Variants in CNTN5 observed in about 807,000 individuals in gnomAD.
CNTN5 encodes contactin-5.
CNTN5 carries 77 observed loss-of-function variants against 129.1 expected under a neutral mutation model. The observed-to-expected ratio is 0.60, with a 90% CI of 0.50 to 0.72. CNTN5 has a LOEUF of 0.72. CNTN5 is among the 30% of genes least tolerant of loss of function. The pLI is 0.00. For synonymous variants in CNTN5, 509 were observed against 465.6 expected, an observed-to-expected ratio of 1.09 and a Z score of -1.20; for missense variants, 1,478 against 1,328.8, an observed-to-expected ratio of 1.11 and a Z score of -1.75.
intron 1 of CNTN5, among the ~76,000 whole-genome samples, chr11:99,149,323 T>G (rs368964030): frequency 6.6e-6 from 1 of 151,630 alleles, no homozygotes; most frequent in East Asian, 1.9e-4. Flanking sequence ...AGAAGGCAAA[T>G]GAGAAAAGGG....
Position 99,634,323 on chromosome 11 carries a change from TAC to T in CNTN5, c.55+78056_55+78057del, listed in dbSNP as rs374012417. Among the ~76,000 whole-genome samples the T allele has an allele frequency of 5.2e-3, 797 of 152,158 alleles. 7 individuals carry two copies. The highest frequency in any genetic ancestry group is 0.018 in the African/African-American group (756 of 41,518). On this transcript the variant is annotated intron_variant, in intron 3 of 24. Transcript: ENST00000524871. ...AAGGGATGAGGGAGATTTAAGGAAA[TAC>T]AGTGTTCACCAGTGCACATATTACT...
chr11:100,255,762 C>G lies in CNTN5; in HGVS notation c.2008C>G (p.Pro670Ala). The G allele has an allele frequency of 6.2e-7, 1 of 1,612,986 alleles. No individual in the cohort carries two copies. The highest frequency in any genetic ancestry group is 8.5e-7 in the Non-Finnish European group (1 of 1,179,166). Residue 670 changes from proline (P) to alanine (A), a missense_variant and splice_region_variant, in exon 17 of 25, where the codon CCC (proline) becomes GCC (alanine). Pro to Ala is a conservative substitution (Grantham distance 27). Transcript: ENST00000524871. ...SDEAELLVRG[P>A]PGPPGIVIVE... is the part of the protein sequence containing the mutation. ...TATCCATTGCCTTTGACCTATAGGA[C>G]CCCCAGGCCCACCTGGGATAGTAAT...
chr11:100,034,609 C>T (rs1483303051), intron 9 of CNTN5, among the ~76,000 whole-genome samples: 1 of 152,188 alleles, frequency 6.6e-6, no homozygotes, highest in Non-Finnish European at 1.5e-5. Flanking sequence ...GGACTGGTCA[C>T]CTGTTTTCAC....
rs112946244 is a variant in CNTN5, at chr11:99,110,497, G to C, written c.-210+89227G>C. Among the ~76,000 whole-genome samples the C allele has an allele frequency of 1.7e-4, 26 of 152,238 alleles. 1 individual carries two copies. The highest frequency in any genetic ancestry group is 5.5e-4 in the African/African-American group (23 of 41,582). On this transcript the variant is annotated intron_variant, in intron 1 of 24. Transcript: ENST00000524871. The stretch of plus-strand genomic sequence containing the variant: ...TGTTGGCCTTGGGATGCTAATAGCT[G>C]TGAGGACACCACATACCACCAGCAA...
intron 1 of CNTN5, among the ~76,000 whole-genome samples, chr11:99,212,587 G>C (rs1391600386): frequency 2.6e-5 from 4 of 151,854 alleles, no homozygotes; most frequent in Admixed American, 1.3e-4. Context: ...TACATAAACG[G>C]ACCTCCCATC....
intron 18 of CNTN5, among the ~76,000 whole-genome samples, chr11:100,277,577 T>C (rs1275456093): frequency 6.6e-6 from 1 of 152,210 alleles, no homozygotes; most frequent in East Asian, 1.9e-4. Flanking sequence ...TGATCAATTA[T>C]GCTGAGCACA....
chr11:99,253,732 T>C (rs940703852), intron 1 of CNTN5, among the ~76,000 whole-genome samples: 2 of 151,658 alleles, frequency 1.3e-5, no homozygotes, highest in Non-Finnish European at 2.9e-5. Flanking sequence ...ATATAATGGG[T>C]ATTTTTATAT....
intron 1 of CNTN5, among the ~76,000 whole-genome samples, chr11:99,155,377 A>G (rs1036348815): frequency 2.6e-5 from 4 of 152,296 alleles, no homozygotes; most frequent in Non-Finnish European, 4.4e-5. Context: ...TATTTTGTAA[A>G]GTGTCATATG....
At chr11:99,754,092 G>T (rs568172048) in intron 3 of CNTN5, among the ~76,000 whole-genome samples, 1 of 152,226 alleles carries the variant, frequency 6.6e-6, no homozygotes, top group South Asian at 2.1e-4. Context: ...TATCGTTTAG[G>T]TCATAGGTAG....
intron 13 of CNTN5, among the ~76,000 whole-genome samples, chr11:100,115,774 G>T (rs1308059883): frequency 6.6e-6 from 1 of 151,984 alleles, no homozygotes; most frequent in Non-Finnish European, 1.5e-5. Flanking sequence ...TGCCTGATTG[G>T]AAATAATTAT....
intron 2 of CNTN5, among the ~76,000 whole-genome samples, chr11:99,329,699 T>C (rs1286406400): frequency 1.3e-5 from 2 of 152,146 alleles, no homozygotes; most frequent in East Asian, 3.8e-4. Context: ...GAGGCAATTC[T>C]AACAAATGGA....
At position 99,928,189 on chromosome 11, in the gene CNTN5, T is replaced by A. The variant is rs993325923; in HGVS notation, c.673+12040T>A. Among the ~76,000 whole-genome samples the A allele has an allele frequency of 6.6e-5, 10 of 152,290 alleles. No individual in the cohort carries two copies. In the East Asian group the frequency reaches 7.7e-4, roughly 12 times the overall value. ...CTTGGGCAACTCCGCCCCTTACAGATTTGCAGGGTACAGCCCCCTCTCAGC... is the reference window on the plus strand; with the variant it reads ...CTTGGGCAACTCCGCCCCTTACAGAATTGCAGGGTACAGCCCCCTCTCAGC... On this transcript the variant is annotated intron_variant, in intron 7 of 24. Transcript: ENST00000524871.
chr11:100,131,342 G>C (rs776078783), intron 13 of CNTN5, among the ~76,000 whole-genome samples: 27 of 152,060 alleles, frequency 1.8e-4, no homozygotes, highest in Non-Finnish European at 3.7e-4. Context: ...ATATGGATTT[G>C]ATATGGAGTG....
In CNTN5 at chr11:99,100,370, T is replaced by C. The variant is rs1048923296; in HGVS notation, c.-210+79100T>C. Among the ~76,000 whole-genome samples, 10 of 152,234 alleles carry C rather than the reference T, an allele frequency of 6.6e-5. 1 individual carries two copies. The East Asian group carries it at 1.9e-3, about 29-fold the overall frequency. On this transcript the variant is annotated intron_variant, in intron 1 of 24. Coordinates refer to ENST00000524871, the MANE Select transcript of CNTN5 (RefSeq NM_014361.4). Reference sequence around the variant, plus strand: ...CATGTAAGAACAATATTCTTCAACTTCTTGATCTAACATAAAACTTAAATA... The same window carrying C: ...CATGTAAGAACAATATTCTTCAACTCCTTGATCTAACATAAAACTTAAATA...
chr11:100,114,938 C>A (rs1036226090), intron 13 of CNTN5, among the ~76,000 whole-genome samples: 1 of 151,074 alleles, frequency 6.6e-6, no homozygotes, highest in African/African-American at 2.4e-5. Context: ...ACCTTTTGTC[C>A]CACTCCACTC....
intron 13 of CNTN5, among the ~76,000 whole-genome samples, chr11:100,187,535 T>G (rs995736086): frequency 6.6e-6 from 1 of 152,096 alleles, no homozygotes; most frequent in Non-Finnish European, 1.5e-5. Context: ...ATTACAGGGC[T>G]TCAAACTATA....
At chr11:99,136,778 T>C (rs1859246769) in intron 1 of CNTN5, among the ~76,000 whole-genome samples, 1 of 27,910 alleles carries the variant, frequency 3.6e-5, no homozygotes, top group South Asian at 9.5e-4. Flanking sequence ...TAAAAGGACA[T>C]GGGTTGTTTT....
At chr11:99,957,093 C>T (rs1261253121) in intron 8 of CNTN5, 84 bp downstream of exon 8, 10 of 1,151,970 alleles carry the variant, frequency 8.7e-6, no homozygotes, top group Non-Finnish European at 1.2e-5. Context: ...TTTTTTAAGA[C>T]CTGGAACTTA....
intron 2 of CNTN5, among the ~76,000 whole-genome samples, chr11:99,461,485 C>CT (rs1402183553): frequency 6.6e-6 from 1 of 151,964 alleles, no homozygotes; most frequent in Non-Finnish European, 1.5e-5. Flanking sequence ...CCTAATTCAC[C>CT]TAAAAAAAAT....
Sources: gnomAD v4.1 joint callset for allele counts (sites outside exome capture counted in the v4.1 genomes callset) on GRCh38, gnomAD v4.1.1 for gene constraint, MANE v1.5 for transcripts, NCBI Gene and HGNC (gene_info 2026-07-23, HGNC 2026-07-21) for gene names.